Variants in CCDC91 observed in about 807,000 individuals in gnomAD.
CCDC91 encodes coiled-coil domain containing 91, also known as coiled-coil domain-containing protein 91.
In CCDC91, 48 loss-of-function variants were observed where a neutral mutation model predicts 63.2. The ratio of observed to expected loss-of-function variants is 0.76; its 90% confidence interval spans 0.60 to 0.97. CCDC91 has a LOEUF of 0.97. CCDC91 is among the 50% of genes least tolerant of loss of function. The pLI, the probability that CCDC91 is intolerant of heterozygous loss-of-function variation, is 0.00. For synonymous variants in CCDC91, 167 were observed against 165.8 expected (o/e 1.01, Z -0.06); for missense variants, 500 against 494.6 (o/e 1.01, Z -0.10).
At chr12:28,489,723 G>A (rs1951900933) in intron 12 of CCDC91, among the ~76,000 whole-genome samples, 2 of 151,862 alleles carry the variant, frequency 1.3e-5, no homozygotes, top group Admixed American at 1.3e-4. Flanking sequence ...AGGTTTTGTG[G>A]TCAAGGCATT....
intron 8 of CCDC91, among the ~76,000 whole-genome samples, chr12:28,422,108 A>G (rs1948051219): frequency 6.6e-6 from 1 of 152,136 alleles, no homozygotes; most frequent in African/African-American, 2.4e-5. Flanking sequence ...GGATTTGCCA[A>G]ATGCTTTAAT....
intron 6 of CCDC91, among the ~76,000 whole-genome samples, chr12:28,346,663 G>A (rs1257898964): frequency 1.3e-5 from 2 of 152,186 alleles, no homozygotes; most frequent in African/African-American, 4.8e-5. Flanking sequence ...ATAGGGCAAG[G>A]TATGGGAAAA....
At chr12:28,507,724 A>G (rs142914302) in intron 12 of CCDC91, among the ~76,000 whole-genome samples, 1 of 152,076 alleles carries the variant, frequency 6.6e-6, no homozygotes, top group East Asian at 2.0e-4. Flanking sequence ...GATACTAGGT[A>G]CTAGTACAGT....
rs73083915 is a variant in CCDC91, at chr12:28,231,194, A to G, written c.-14-26008A>G. 1.2e-3 allele frequency among the ~76,000 whole-genome samples: 176 copies of G among 152,234 alleles called. 2 individuals carry two copies. Among genetic ancestry groups the G allele is most frequent in the Middle Eastern group, 6.8e-3 (2 of 294 alleles). Reference sequence around the variant, plus strand: ...GTGGGTTGTGAGAAATAAACTGGAAATCCTGTCTCTGTGGGTTGGAATCTG... The same window carrying G: ...GTGGGTTGTGAGAAATAAACTGGAAGTCCTGTCTCTGTGGGTTGGAATCTG... On this transcript the variant is annotated intron_variant, in intron 1 of 12. Coordinates refer to ENST00000536442, the MANE Select transcript of CCDC91 (RefSeq NM_018318.5).
At chr12:28,352,875 A>G (rs1282530456) in intron 6 of CCDC91, among the ~76,000 whole-genome samples, 1 of 152,218 alleles carries the variant, frequency 6.6e-6, no homozygotes, top group Non-Finnish European at 1.5e-5. Context: ...CACCAACTGC[A>G]TTAGCCCCTA....
In CCDC91 at chr12:28,502,335, T is replaced by G. The variant is rs990194564; in HGVS notation, c.1215+18170T>G. Among the ~76,000 whole-genome samples, 60 of 151,940 alleles carry G rather than the reference T, an allele frequency of 3.9e-4. 1 individual carries two copies. Among genetic ancestry groups the G allele is most frequent in the Non-Finnish European group, 5.0e-4 (34 of 67,886 alleles). ...CATGAGTGAACTCCCATTCACAATT[T>G]CTTCAAAGAGAATAAAGTACCTAGG... On this transcript the variant is annotated intron_variant, in intron 12 of 12. Transcript: ENST00000536442.
At chr12:28,304,631 C>G in intron 3 of CCDC91, 1 of 1,260,948 alleles carries the variant, frequency 7.9e-7, no homozygotes, top group Non-Finnish European at 1.0e-6. Flanking sequence ...TTCAGGGAAA[C>G]ATGCAATTTT....
chr12:28,291,983 A>G (rs570077298), intron 3 of CCDC91, among the ~76,000 whole-genome samples: 1 of 152,270 alleles, frequency 6.6e-6, no homozygotes, highest in East Asian at 1.9e-4. Flanking sequence ...CCACCAATGC[A>G]CTGTACGTTT....
chr12:28,337,681 G>C (rs1476283243), intron 6 of CCDC91, among the ~76,000 whole-genome samples: 1 of 151,788 alleles, frequency 6.6e-6, no homozygotes, highest in Non-Finnish European at 1.5e-5. Flanking sequence ...TTAATACATG[G>C]AAAAAGAGTT....
At chr12:28,314,747 A>G (rs984004888) in intron 6 of CCDC91, among the ~76,000 whole-genome samples, 1 of 151,992 alleles carries the variant, frequency 6.6e-6, no homozygotes, top group African/African-American at 2.4e-5. Context: ...TAAGGATTTT[A>G]TATTTTAGTT....
At chr12:28,500,188 GGT>G (rs1491142408) in intron 12 of CCDC91, among the ~76,000 whole-genome samples, 75 of 142,874 alleles carry the variant, frequency 5.2e-4, no homozygotes, top group Admixed American at 1.2e-3. Flanking sequence ...TTTTTGATGG[GGT>G]TTTTTTTTTT....
intron 7 of CCDC91, among the ~76,000 whole-genome samples, chr12:28,386,491 C>G (rs1019438714): frequency 3.3e-5 from 5 of 152,112 alleles, no homozygotes; most frequent in African/African-American, 1.2e-4. Flanking sequence ...GCCTGAGCCT[C>G]CTGAGTAGCT....
chr12:28,194,360 C>A (rs1291974277), intron 1 of CCDC91, among the ~76,000 whole-genome samples: 5 of 152,110 alleles, frequency 3.3e-5, no homozygotes, highest in Admixed American at 3.3e-4. Flanking sequence ...CCAGTGGGTT[C>A]TTGGTCTTGC....
chr12:28,224,420 C>G, intron 1 of CCDC91, among the ~76,000 whole-genome samples: 1 of 152,116 alleles, frequency 6.6e-6, no homozygotes, highest in East Asian at 1.9e-4. Context: ...GGCTTATATA[C>G]TGGTATAGGG....
rs1279511609 is a variant in CCDC91, at chr12:28,550,082, TC to T, written c.*910del. ...AATATGTATGTATGCAAATGTTTTA[TC>T]TTATTTTCTGAAATGCATCTACTTT... On this transcript the variant is annotated 3_prime_UTR_variant, in exon 13 of 13. Transcript: ENST00000536442. 1 of 152,550 alleles carries T rather than the reference TC, an allele frequency of 6.6e-6. No homozygotes were observed. Among genetic ancestry groups the T allele is most frequent in the Non-Finnish European group, 1.5e-5 (1 of 68,006 alleles). The allele number at this position is 152,550 out of a possible 1,614,324, so 9.4% of individuals were successfully genotyped here. A position where few individuals can be genotyped will look rare whatever the true frequency, so the allele number is the denominator to read the frequency against.
In CCDC91 at chr12:28,366,709, G is replaced by A. The variant is rs1592445726; in HGVS notation, c.654+4194G>A. Reference sequence around the variant, plus strand: ...ATTCCTCCCTTACTGTGTTGGGAAGGTATCAAGGGATACCTAATGGGAATC... The same window carrying A: ...ATTCCTCCCTTACTGTGTTGGGAAGATATCAAGGGATACCTAATGGGAATC... On this transcript the variant is annotated intron_variant, in intron 7 of 12. Coordinates refer to ENST00000536442, the MANE Select transcript of CCDC91 (RefSeq NM_018318.5). Among the ~76,000 whole-genome samples, 6 of 152,184 alleles carry A rather than the reference G, an allele frequency of 3.9e-5. No homozygotes were observed. In the South Asian group the frequency reaches 1.2e-3, roughly 32 times the overall value.
intron 3 of CCDC91, chr12:28,304,482 CAAAAATGCAATATTGCT>C (rs1165354659): frequency 2.4e-5 from 6 of 255,004 alleles, no homozygotes; most frequent in East Asian, 1.1e-4. Flanking sequence ...CATAATATGT[CAAAAATGCAATATTGCT>C]AAAAATGCAA....
intron 12 of CCDC91, among the ~76,000 whole-genome samples, chr12:28,504,968 C>T (rs1433088901): frequency 6.6e-6 from 1 of 151,922 alleles, no homozygotes; most frequent in Non-Finnish European, 1.5e-5. Flanking sequence ...CTAAACTATA[C>T]ACTTCAAACT....
At position 28,214,981 on chromosome 12, in the gene CCDC91, T is replaced by G. The variant is rs189056084; in HGVS notation, c.-15+24340T>G. 5.4e-4 allele frequency among the ~76,000 whole-genome samples: 82 copies of G among 152,294 alleles called. 1 individual carries two copies. The East Asian group carries it at 8.5e-3, about 16-fold the overall frequency. On this transcript the variant is annotated intron_variant, in intron 1 of 12. Transcript: ENST00000536442. The stretch of plus-strand genomic sequence containing the variant: ...TATTCTAGGTATGTCTTTGAGAGTA[T>G]TTTTGGATATTAACATTTGAATTGG...
Sources: allele counts gnomAD v4.1 joint callset (sites outside exome capture counted in the v4.1 genomes callset), GRCh38; gene constraint gnomAD v4.1.1; transcripts MANE v1.5; gene names NCBI Gene and HGNC (gene_info 2026-07-23, HGNC 2026-07-21).